Variants in CHN1 observed in about 807,000 individuals in gnomAD.
CHN1 encodes the protein chimerin 1.
CHN1 carries 37 observed loss-of-function variants against 59.5 expected under a neutral mutation model. The ratio of observed to expected loss-of-function variants is 0.62; its 90% CI spans 0.48 to 0.82. The LOEUF (loss-of-function observed/expected upper bound fraction) is 0.82. Among genes scored for constraint, CHN1 ranks in the 40% least tolerant of loss-of-function variants. CHN1 has a pLI of 0.00. For missense variants in CHN1, 469 were observed against 571.0 expected, an observed-to-expected ratio of 0.82 and a Z score of 1.82; for synonymous variants, 206 against 200.4, an observed-to-expected ratio of 1.03 and a Z score of -0.24.
At position 174,861,384 on chromosome 2, in the gene CHN1, A is replaced by G. The variant is rs753253640; in HGVS notation, c.550-14427T>C. On this transcript the variant is annotated intron_variant, in intron 6 of 12. Coordinates refer to ENST00000409900, the MANE Select transcript of CHN1 (RefSeq NM_001822.7). ...AGCATCAGTCTTATAGCTTAACACA[A>G]GGCTTGGGACAAAGTAGATGCTAAA... Among the ~76,000 whole-genome samples, 53 of 152,310 alleles carry G rather than the reference A, an allele frequency of 3.5e-4. 2 individuals are homozygous for G. The highest frequency in any genetic ancestry group is 2.5e-4 in the Non-Finnish European group (17 of 68,024).
intron 1 of CHN1, among the ~76,000 whole-genome samples, chr2:174,956,363 G>A (rs79544163): frequency 6.6e-6 from 1 of 152,068 alleles, no homozygotes; most frequent in African/African-American, 2.4e-5. Flanking sequence ...CAAAAACAGA[G>A]GGAAAAGGAT....
At chr2:174,860,257 A>G (rs1687028126) in intron 6 of CHN1, among the ~76,000 whole-genome samples, 1 of 152,208 alleles carries the variant, frequency 6.6e-6, no homozygotes, top group African/African-American at 2.4e-5. Context: ...AAATAGACAT[A>G]CATAATTTAC....
At chr2:174,914,187 T>G (rs746649564) in intron 5 of CHN1, among the ~76,000 whole-genome samples, 1 of 152,176 alleles carries the variant, frequency 6.6e-6, no homozygotes, top group Non-Finnish European at 1.5e-5. Flanking sequence ...TTGCGAGGAT[T>G]AAATGAGGTT....
At chr2:174,909,900 G>A (rs74564243) in intron 5 of CHN1, among the ~76,000 whole-genome samples, 7,059 of 152,164 alleles carry the variant, frequency 0.046, 574 homozygotes, top group African/African-American at 0.16. Context: ...GATATACTGG[G>A]ATTATTATCC....
rs1482450066 is a variant in CHN1 at position 174,846,974 on chromosome 2, A to C, written c.550-17T>G. ...TGATGTCAACTGCGAATAAGCAAAG[A>C]GTTTCAGAGGTTGCCAGATTGTCAC... is the stretch of plus-strand genomic sequence containing the variant. On this transcript the variant is annotated splice_polypyrimidine_tract_variant and intron_variant, in intron 6 of 12. Coordinates refer to ENST00000409900, the MANE Select transcript of CHN1 (RefSeq NM_001822.7). The C allele has an allele frequency of 1.9e-6, 3 of 1,552,868 alleles. No individual in the cohort carries two copies. The highest frequency in any genetic ancestry group is 2.6e-6 in the Non-Finnish European group (3 of 1,147,474).
chr2:174,805,229 A>G (rs184134469), intron 11 of CHN1, among the ~76,000 whole-genome samples: 32 of 152,342 alleles, frequency 2.1e-4, no homozygotes, highest in African/African-American at 6.7e-4. Flanking sequence ...ACATCTGTCC[A>G]CCAGTGGACT....
At chr2:174,937,149 G>A (rs1381882391) in intron 3 of CHN1, among the ~76,000 whole-genome samples, 1 of 152,110 alleles carries the variant, frequency 6.6e-6, no homozygotes, top group Non-Finnish European at 1.5e-5. Flanking sequence ...GATAATTCAG[G>A]TTTTGAAATA....
At position 174,839,957 on chromosome 2, in the gene CHN1, A is replaced by AC. The variant is rs142380297; in HGVS notation, c.627+6922_627+6923insG. 9.4e-3 allele frequency among the ~76,000 whole-genome samples: 1,425 copies of AC among 151,174 alleles called. 23 individuals carry two copies. The highest frequency in any genetic ancestry group is 0.033 in the African/African-American group (1,342 of 41,138). On this transcript the variant is annotated intron_variant, in intron 7 of 12. Coordinates refer to ENST00000409900, the MANE Select transcript of CHN1 (RefSeq NM_001822.7). ...CATGTGACATGTTCTTATCACACACAAAAAAAAATCTCTCTCCAAAGTTTA... is the reference window on the plus strand; with the variant it reads ...CATGTGACATGTTCTTATCACACACACAAAAAAAATCTCTCTCCAAAGTTTA...
rs376311239 is a variant in CHN1 at position 174,833,554 on chromosome 2, A to T, written c.628-9036T>A. 2.6e-5 allele frequency among the ~76,000 whole-genome samples: 4 copies of T among 152,080 alleles called. No homozygotes were observed. The East Asian group carries it at 7.7e-4, about 29-fold the overall frequency. ...TTAATGTGGGTTTCCTGTACACAGC[A>T]TATCACTGGATCTTGCTTTTTTGTC... On this transcript the variant is annotated intron_variant, in intron 7 of 12. Coordinates refer to ENST00000409900, the MANE Select transcript of CHN1 (RefSeq NM_001822.7).
chr2:174,952,424 G>A (rs1690050849), intron 1 of CHN1, among the ~76,000 whole-genome samples: 1 of 151,898 alleles, frequency 6.6e-6, no homozygotes. Flanking sequence ...TTATTCAATT[G>A]CTAATTACAT....
In CHN1 at chr2:174,817,608, C is replaced by T. The variant is rs545790820; in HGVS notation, c.713-5126G>A. On this transcript the variant is annotated intron_variant, in intron 8 of 12. Transcript: ENST00000409900. ...CTCCAAGTAGCTGGGACTACAGACA[C>T]GCGTCGCTACGCCCAGCTGATTTTT... Among the ~76,000 whole-genome samples the T allele has an allele frequency of 3.5e-4, 53 of 150,412 alleles. No homozygotes were observed. The South Asian group carries it at 9.1e-3, about 26-fold the overall frequency.
intron 1 of CHN1, among the ~76,000 whole-genome samples, chr2:174,965,644 A>G (rs1163657695): frequency 6.6e-6 from 1 of 152,214 alleles, no homozygotes; most frequent in East Asian, 1.9e-4. Flanking sequence ...AATTGTATAA[A>G]CAGAATGACA....
chr2:174,840,928 A>G (rs962479206), intron 7 of CHN1, among the ~76,000 whole-genome samples: 3 of 152,180 alleles, frequency 2.0e-5, no homozygotes, highest in Admixed American at 6.5e-5. Context: ...GAGACAAAAA[A>G]CATACTGATA....
At chr2:174,981,473 T>C (rs1010794413) in intron 1 of CHN1, among the ~76,000 whole-genome samples, 2 of 152,198 alleles carry the variant, frequency 1.3e-5, no homozygotes, top group East Asian at 1.9e-4. Flanking sequence ...ATTTTTCATA[T>C]GACAAAGCAA....
chr2:174,983,198 G>A (rs779191088), intron 1 of CHN1, among the ~76,000 whole-genome samples: 7 of 152,110 alleles, frequency 4.6e-5, no homozygotes, highest in Non-Finnish European at 8.8e-5. Flanking sequence ...GCTTATGATT[G>A]CTGTATTTTA....
intron 10 of CHN1, 97 bp from the exon 11 acceptor site, chr2:174,809,139 T>G (rs1684995831): frequency 1.8e-6 from 2 of 1,120,410 alleles, no homozygotes; most frequent in Non-Finnish European, 2.5e-6. Flanking sequence ...TTTTAAAGAT[T>G]AGCAATTCTT....
chr2:174,954,304 C>T (rs1379335610), intron 1 of CHN1, among the ~76,000 whole-genome samples: 5 of 152,040 alleles, frequency 3.3e-5, no homozygotes, highest in Admixed American at 6.6e-5. Flanking sequence ...CAAGATGGAT[C>T]AAAGACTTAA....
chr2:174,910,192 T>C (rs758410570), intron 5 of CHN1, among the ~76,000 whole-genome samples: 1 of 152,224 alleles, frequency 6.6e-6, no homozygotes, highest in Non-Finnish European at 1.5e-5. Context: ...TTTCCAGTTT[T>C]CTTCTATAGT....
chr2:174,884,331 C>T (rs898400844), intron 5 of CHN1, among the ~76,000 whole-genome samples: 7 of 151,588 alleles, frequency 4.6e-5, no homozygotes, highest in Non-Finnish European at 2.9e-5. Context: ...GGAATCAAAG[C>T]GATAACTCAA....
Sources: gnomAD v4.1 joint callset for allele counts (sites outside exome capture counted in the v4.1 genomes callset) on GRCh38, gnomAD v4.1.1 for gene constraint, MANE v1.5 for transcripts, NCBI Gene and HGNC (gene_info 2026-07-23, HGNC 2026-07-21) for gene names.